The following GALNT13 variants were observed in gnomAD, a reference collection of about 807,000 sequenced individuals.
GALNT13 encodes polypeptide N-acetylgalactosaminyltransferase 13, also known as UDP-GalNAc:polypeptide N-acetylgalactosaminyltransferase 13.
In GALNT13, 28 loss-of-function variants were observed where a neutral mutation model predicts 64.2. That is an observed-to-expected ratio of 0.44 (90% CI 0.32 to 0.60). GALNT13 has a LOEUF of 0.60. Ranked by LOEUF, GALNT13 falls within the 20% of genes least tolerant of loss-of-function variation. The pLI is 0.05. For synonymous variants in GALNT13, 214 were observed against 224.6 expected (o/e 0.95, Z 0.42); for missense variants, 577 against 669.8 (o/e 0.86, Z 1.53).
the GALNT13 span, among the ~76,000 whole-genome samples, chr2:153,333,928 G>A: frequency 6.6e-6 from 1 of 152,142 alleles, no homozygotes; most frequent in African/African-American, 2.4e-5. Context: ...TGAACCCTAG[G>A]ATGAACACAG....
the GALNT13 span, among the ~76,000 whole-genome samples, chr2:153,454,714 A>T: frequency 1.3e-5 from 2 of 152,086 alleles, no homozygotes; most frequent in Non-Finnish European, 2.9e-5. Flanking sequence ...TCTCCTCTCC[A>T]CTGCTACTTA....
chr2:153,166,619 GCA>G, the GALNT13 span, among the ~76,000 whole-genome samples: 4 of 140,922 alleles, frequency 2.8e-5, no homozygotes, highest in African/African-American at 1.1e-4. Flanking sequence ...TTTGCCTACT[GCA>G]TGTGTGTGTG....
At chr2:153,453,274 CTAAT>C in the GALNT13 span, among the ~76,000 whole-genome samples, 1 of 152,092 alleles carries the variant, frequency 6.6e-6, no homozygotes, top group Non-Finnish European at 1.5e-5. Context: ...CAAGTGGAAT[CTAAT>C]TAACTTAAAG....
chr2:153,074,468 T>A, the GALNT13 span, among the ~76,000 whole-genome samples: 1 of 152,188 alleles, frequency 6.6e-6, no homozygotes, highest in South Asian at 2.1e-4. Flanking sequence ...AATTTCATTG[T>A]GTGAACATCA....
intron 3 of GALNT13, among the ~76,000 whole-genome samples, chr2:154,090,168 T>A (rs115432519): frequency 2.0e-5 from 3 of 152,224 alleles, no homozygotes; most frequent in Non-Finnish European, 4.4e-5. Context: ...GTGATAACTT[T>A]AGTGTGGAAT....
chr2:154,019,846 C>G (rs1180559285), intron 3 of GALNT13, among the ~76,000 whole-genome samples: 6 of 151,036 alleles, frequency 4.0e-5, no homozygotes, highest in African/African-American at 1.2e-4. Flanking sequence ...TGCTATCCCT[C>G]CCCCCTACCC....
At chr2:153,722,353 C>T in the GALNT13 span, among the ~76,000 whole-genome samples, 1 of 138,854 alleles carries the variant, frequency 7.2e-6, no homozygotes, top group Non-Finnish European at 1.5e-5. Context: ...CAAGAGAAAG[C>T]AGGAAAGATC....
At chr2:153,561,668 T>C in the GALNT13 span, among the ~76,000 whole-genome samples, 2 of 141,796 alleles carry the variant, frequency 1.4e-5, no homozygotes, top group Non-Finnish European at 3.1e-5. Flanking sequence ...TGTGTGTGTG[T>C]GGTGTGTATT....
At chr2:153,169,962 G>A in the GALNT13 span, among the ~76,000 whole-genome samples, 1 of 152,072 alleles carries the variant, frequency 6.6e-6, no homozygotes, top group Non-Finnish European at 1.5e-5. Context: ...CCAAAATTAA[G>A]CTTGGGAATA....
the GALNT13 span, among the ~76,000 whole-genome samples, chr2:153,550,522 C>T: frequency 2.0e-5 from 3 of 152,078 alleles, no homozygotes; most frequent in East Asian, 3.9e-4. Context: ...CTAGAGCCAC[C>T]GTGCCCAGGC....
At chr2:153,421,667 G>T in the GALNT13 span, 1 of 283,918 alleles carries the variant, frequency 3.5e-6, no homozygotes, top group South Asian at 5.4e-5. Flanking sequence ...GCATAGTTAT[G>T]GGCAGCGTCT....
At chr2:153,570,237 A>G in the GALNT13 span, among the ~76,000 whole-genome samples, 3 of 151,920 alleles carry the variant, frequency 2.0e-5, no homozygotes, top group South Asian at 6.2e-4. Context: ...TGCCATTTGG[A>G]TGTCTTCTTC....
At chr2:154,391,805 A>C (rs1698806600) in intron 9 of GALNT13, among the ~76,000 whole-genome samples, 1 of 152,194 alleles carries the variant, frequency 6.6e-6, no homozygotes, top group Non-Finnish European at 1.5e-5. Context: ...TTTTGTTGAG[A>C]AGGCAGTGAG....
intron 8 of GALNT13, among the ~76,000 whole-genome samples, chr2:154,264,492 C>G (rs560480883): frequency 3.5e-4 from 51 of 144,834 alleles, no homozygotes; most frequent in African/African-American, 1.1e-3. Context: ...AAAAAATTAG[C>G]TGGGCATGGT....
At position 154,301,558 on chromosome 2, in the gene GALNT13, A is replaced by G; in HGVS notation, c.1125A>G (p.Glu375=). 1 of 1,612,932 alleles carries G rather than the reference A, an allele frequency of 6.2e-7. No homozygotes were observed. Among genetic ancestry groups the G allele is most frequent in the African/African-American group, 1.3e-5 (1 of 75,038 alleles). Residue 375 remains glutamate, a synonymous_variant, in exon 9 of 13, where the codon GAA becomes GAG. Transcript: ENST00000392825. ...NRRLAEVWMD[E]FKDFFYIISP... The stretch of plus-strand genomic sequence containing the variant: ...GACTGGCAGAAGTTTGGATGGATGA[A>G]TTTAAAGATTTCTTCTACATCATAT...
the GALNT13 span, among the ~76,000 whole-genome samples, chr2:153,154,044 C>A: frequency 1.3e-5 from 2 of 152,028 alleles, no homozygotes; most frequent in Non-Finnish European, 2.9e-5. Flanking sequence ...AATGTTTTCC[C>A]ATTTGTCTCT....
At chr2:153,159,437 C>G in the GALNT13 span, 2 of 152,402 alleles carry the variant, frequency 1.3e-5, no homozygotes, top group African/African-American at 4.8e-5. Flanking sequence ...GTGCCATTAC[C>G]TTTTTGATGC....
the GALNT13 span, among the ~76,000 whole-genome samples, chr2:153,287,085 T>C: frequency 2.0e-5 from 3 of 152,180 alleles, no homozygotes; most frequent in Non-Finnish European, 4.4e-5. Flanking sequence ...AGAAAAAGAT[T>C]AATGAAGGCC....
At chr2:153,700,982 GA>G in the GALNT13 span, among the ~76,000 whole-genome samples, 240 of 150,736 alleles carry the variant, frequency 1.6e-3, no homozygotes, top group Non-Finnish European at 2.7e-3. Flanking sequence ...AACAGAATTA[GA>G]AAAAAAAACT....
Sources: allele counts gnomAD v4.1 joint callset (sites outside exome capture counted in the v4.1 genomes callset), GRCh38; gene constraint gnomAD v4.1.1; transcripts MANE v1.5; gene names NCBI Gene and HGNC (gene_info 2026-07-23, HGNC 2026-07-21).